INKA2: variants seen among roughly 807,000 people sequenced by gnomAD.
The protein encoded by INKA2 is inka box actin regulator 2.
A neutral mutation model predicts 9.8 loss-of-function variants in INKA2; 3 were observed. The ratio of observed to expected loss-of-function variants is 0.31; its 90% CI spans 0.14 to 0.79. The LOEUF (loss-of-function observed/expected upper bound fraction) is 0.79. INKA2 is among the 30% of genes least tolerant of loss of function. The pLI, the probability that INKA2 is intolerant of heterozygous loss-of-function variation, is 0.62. For missense variants in INKA2, 392 were observed against 384.4 expected, an observed-to-expected ratio of 1.02 and a Z score of -0.17; for synonymous variants, 147 against 143.3, an observed-to-expected ratio of 1.03 and a Z score of -0.18.
In INKA2 at chr1:111,727,146, T is replaced by A; in HGVS notation, c.716A>T (p.Glu239Val). The A allele has an allele frequency of 6.2e-7, 1 of 1,614,226 alleles. No homozygotes were observed. Among genetic ancestry groups the A allele is most frequent in the Middle Eastern group, 1.6e-4 (1 of 6,062 alleles). Residue 239 changes from glutamate to valine, a missense_variant, in exon 2 of 2, where the codon GAG becomes GTG. Physicochemically the swap from Glu to Val is moderately radical, Grantham distance 121 (BLOSUM62 -2). Transcript: ENST00000357260. ...CTTCTGTGAGCGGCCGGTTCGGGAC[T>A]CAGGGACCATGGGTGTCACCCAGCC... ...KPGWVTPMVP[E>V]SRTGRSQKVK...
Position 111,726,866 on chromosome 1 carries a change from G to C in INKA2, c.*102C>G. Reference sequence around the variant, plus strand: ...GCTTTCTGGGGGAAAGGAACTTGGAGTTGGGCTTTCGAGAGCCATACCGCC... The same window carrying C: ...GCTTTCTGGGGGAAAGGAACTTGGACTTGGGCTTTCGAGAGCCATACCGCC... On this transcript the variant is annotated 3_prime_UTR_variant, in exon 2 of 2. Coordinates refer to ENST00000357260, the MANE Select transcript of INKA2 (RefSeq NM_019099.5). 1.7e-6 allele frequency: 2 copies of C among 1,178,606 alleles called. No individual in the cohort carries two copies. The highest frequency in any genetic ancestry group is 2.4e-6 in the Non-Finnish European group (2 of 825,996). The allele number at this position is 1,178,606 out of a possible 1,614,324, so 73.0% of individuals were successfully genotyped here.
At position 111,723,173 on chromosome 1, in the gene INKA2, G is replaced by T. The variant is rs771165977; in HGVS notation, c.*3795C>A. 1 of 669,472 alleles carries T rather than the reference G, an allele frequency of 1.5e-6. No individual in the cohort carries two copies. Among genetic ancestry groups the T allele is most frequent in the Non-Finnish European group, 2.7e-6 (1 of 369,538 alleles). 41.5% of individuals were successfully genotyped at this position (669,472 alleles called of 1,614,324 possible). On this transcript the variant is annotated 3_prime_UTR_variant, in exon 2 of 2. Coordinates refer to ENST00000357260, the MANE Select transcript of INKA2 (RefSeq NM_019099.5). ...TCTGGAGAAGGTGGGGACAAGGTGT[G>T]CTCTTGCTCTTGTCCAGACCACGTA... is the stretch of plus-strand genomic sequence containing the variant.
chr1:111,741,959 G>A (rs1812249), upstream of INKA2, among the ~76,000 whole-genome samples: 29,809 of 151,890 alleles, frequency 0.2, 3,063 homozygotes, highest in Admixed American at 0.22. Flanking sequence ...CAGGTGATCC[G>A]CCTGCCTCGG....
chr1:111,726,730 C>CAT lies in INKA2; in HGVS notation c.*237_*238insAT, dbSNP rs1491360273. 29 of 557,054 alleles carry CAT rather than the reference C, an allele frequency of 5.2e-5. No individual in the cohort carries two copies. Among genetic ancestry groups the CAT allele is most frequent in the Middle Eastern group, 4.8e-4 (1 of 2,088 alleles). 34.5% of individuals were successfully genotyped at this position (557,054 alleles called of 1,614,324 possible). The stretch of plus-strand genomic sequence containing the variant: ...ACACATGCACACACACACACACACA[C>CAT]GCACAGCTCACTCTCCAGCTACTCT... On this transcript the variant is annotated 3_prime_UTR_variant, in exon 2 of 2. Coordinates refer to ENST00000357260, the MANE Select transcript of INKA2 (RefSeq NM_019099.5).
chr1:111,729,375 G>A (rs997594348), intron 1 of INKA2, among the ~76,000 whole-genome samples: 14 of 152,156 alleles, frequency 9.2e-5, no homozygotes, highest in Admixed American at 2.0e-4. Flanking sequence ...TGGCTCTGCC[G>A]CCCCGGCCAA....
At chr1:111,740,351 A>G (rs1032381936), upstream of INKA2, among the ~76,000 whole-genome samples, 3 of 152,098 alleles carry the variant, frequency 2.0e-5, no homozygotes, top group Non-Finnish European at 4.4e-5. Flanking sequence ...TGCGGCCAAT[A>G]GGCTCGATAG....
intron 1 of INKA2, among the ~76,000 whole-genome samples, chr1:111,729,942 T>C (rs905881120): frequency 6.6e-6 from 1 of 152,194 alleles, no homozygotes; most frequent in African/African-American, 2.4e-5. Flanking sequence ...TGCTGGGGCG[T>C]GGAGATTGCC....
chr1:111,722,901 T>G lies in INKA2; in HGVS notation c.*4067A>C. 1 of 565,886 alleles carries G rather than the reference T, an allele frequency of 1.8e-6. No individual in the cohort carries two copies. The highest frequency in any genetic ancestry group is 3.2e-6 in the Non-Finnish European group (1 of 317,418). The allele number at this position is 565,886 out of a possible 1,614,324, so 35.1% of individuals were successfully genotyped here. On this transcript the variant is annotated 3_prime_UTR_variant, in exon 2 of 2. Coordinates refer to ENST00000357260, the MANE Select transcript of INKA2 (RefSeq NM_019099.5). ...TGTCCAGTATCTGCTGAGCTTCTGC[T>G]GTATTCCAGGCAGTGCTTGGACCGT... is the stretch of plus-strand genomic sequence containing the variant.
intron 1 of INKA2, among the ~76,000 whole-genome samples, chr1:111,737,566 T>C (rs1663033307): frequency 6.6e-6 from 1 of 152,218 alleles, no homozygotes; most frequent in Admixed American, 6.5e-5. Context: ...TTGAGCTTTC[T>C]TTCTGGTACT....
intron 1 of INKA2, among the ~76,000 whole-genome samples, chr1:111,750,480 A>C (rs570057100): frequency 6.6e-6 from 1 of 152,370 alleles, no homozygotes; most frequent in Non-Finnish European, 1.5e-5. Flanking sequence ...AGTTCACTGA[A>C]CAGATGGCTC....
At position 111,737,758 on chromosome 1, in the gene INKA2, TGAGTGTCACCACAG is replaced by T. The variant is rs1387233160; in HGVS notation, c.57+1414_57+1427del. Among the ~76,000 whole-genome samples, 3 of 152,322 alleles carry T rather than the reference TGAGTGTCACCACAG, an allele frequency of 2.0e-5. No homozygotes were observed. In the East Asian group the frequency reaches 5.8e-4, roughly 29 times the overall value. On this transcript the variant is annotated intron_variant, in intron 1 of 1. Coordinates refer to ENST00000357260, the MANE Select transcript of INKA2 (RefSeq NM_019099.5). ...TCTCTGAGTCAGTGACTTTTGCATC[TGAGTGTCACCACAG>T]AAAGGGCTCCAGGAGGGAGGACTAG...
chr1:111,730,047 TG>T (rs1662872596), intron 1 of INKA2, among the ~76,000 whole-genome samples: 2 of 152,190 alleles, frequency 1.3e-5, no homozygotes, highest in Non-Finnish European at 2.9e-5. Context: ...ACCAGTTGAA[TG>T]GGGGGCAGTG....
upstream of INKA2, among the ~76,000 whole-genome samples, chr1:111,741,429 T>G (rs1285219316): frequency 6.6e-6 from 1 of 152,162 alleles, no homozygotes; most frequent in African/African-American, 2.4e-5. Context: ...CTCCAAGAGA[T>G]CCCTTTCTAT....
In INKA2 at chr1:111,723,276, G is replaced by A. The variant is rs1199754968; in HGVS notation, c.*3692C>T. ...CCTAGGGAGGAGATGGGGATGTGGA[G>A]AGGACAGAGCAACCTTCTTTGGGGC... On this transcript the variant is annotated 3_prime_UTR_variant, in exon 2 of 2. Coordinates refer to ENST00000357260, the MANE Select transcript of INKA2 (RefSeq NM_019099.5). The A allele has an allele frequency of 8.8e-6, 5 of 567,482 alleles. No homozygotes were observed. The highest frequency in any genetic ancestry group is 1.6e-5 in the Non-Finnish European group (5 of 320,930). 35.2% of individuals were successfully genotyped at this position (567,482 alleles called of 1,614,324 possible). A position where few individuals can be genotyped will look rare whatever the true frequency, so the allele number is the denominator to read the frequency against.
chr1:111,730,503 C>T (rs908100923), intron 1 of INKA2, among the ~76,000 whole-genome samples: 2 of 152,206 alleles, frequency 1.3e-5, no homozygotes, highest in East Asian at 1.9e-4. Flanking sequence ...TCCCAGCACA[C>T]ACCTCCTGTC....
In INKA2 at chr1:111,723,089, T is replaced by C. The variant is rs1392998985; in HGVS notation, c.*3879A>G. On this transcript the variant is annotated 3_prime_UTR_variant, in exon 2 of 2. Transcript: ENST00000357260. ...AAGTCTAGTGCTCATACCATGGTGC[T>C]GGCAGAAGTGCCTTAACTGCACCGG... is the stretch of plus-strand genomic sequence containing the variant. 1.4e-6 allele frequency: 1 copy of C among 701,704 alleles called. No homozygotes were observed. The highest frequency in any genetic ancestry group is 1.7e-5 in the African/African-American group (1 of 57,184). 43.5% of individuals were successfully genotyped at this position (701,704 alleles called of 1,614,324 possible).
intron 1 of INKA2, among the ~76,000 whole-genome samples, chr1:111,749,372 G>A (rs1663345041): frequency 6.6e-6 from 1 of 152,144 alleles, no homozygotes; most frequent in South Asian, 2.1e-4. Flanking sequence ...TGAGCCAGGG[G>A]TTCAGGGGCA....
upstream of INKA2, among the ~76,000 whole-genome samples, chr1:111,741,278 C>T (rs890525578): frequency 6.6e-6 from 1 of 152,122 alleles, no homozygotes; most frequent in Non-Finnish European, 1.5e-5. Context: ...CAGCTGTAGC[C>T]AATGGATAGA....
At chr1:111,729,322 C>T (rs747846368) in intron 1 of INKA2, among the ~76,000 whole-genome samples, 2 of 152,212 alleles carry the variant, frequency 1.3e-5, no homozygotes, top group Non-Finnish European at 2.9e-5. Flanking sequence ...CTCAGCTGTT[C>T]TCAGACTTGG....
Sources: gnomAD v4.1 joint callset for allele counts (sites outside exome capture counted in the v4.1 genomes callset) on GRCh38, gnomAD v4.1.1 for gene constraint, MANE v1.5 for transcripts, NCBI Gene and HGNC (gene_info 2026-07-23, HGNC 2026-07-21) for gene names.